The following ZNF385B variants were observed in gnomAD, a reference collection of about 807,000 sequenced individuals.
The protein encoded by ZNF385B is zinc finger protein 533.
In ZNF385B, 23 loss-of-function variants were observed where a neutral mutation model predicts 39.2. That is an observed-to-expected ratio of 0.59 (90% CI 0.42 to 0.83). The LOEUF (loss-of-function observed/expected upper bound fraction) is 0.83, where lower values mean the gene tolerates loss of function less well. ZNF385B is among the 40% of genes least tolerant of loss of function. The pLI is 0.00. For synonymous variants in ZNF385B, 205 were observed against 222.6 expected, an observed-to-expected ratio of 0.92 and a Z score of 0.70; for missense variants, 552 against 598.9, an observed-to-expected ratio of 0.92 and a Z score of 0.82.
At chr2:179,654,645 T>C (rs1023143599) in intron 3 of ZNF385B, among the ~76,000 whole-genome samples, 4 of 152,228 alleles carry the variant, frequency 2.6e-5, no homozygotes, top group Non-Finnish European at 4.4e-5. Flanking sequence ...TTCTAACCTC[T>C]TGGGGATGGC....
intron 3 of ZNF385B, among the ~76,000 whole-genome samples, chr2:179,705,022 T>A (rs1263731283): frequency 6.6e-6 from 1 of 152,172 alleles, no homozygotes; most frequent in Non-Finnish European, 1.5e-5. Flanking sequence ...CCCCTTTTTT[T>A]CCCCTGGCCT....
intron 3 of ZNF385B, among the ~76,000 whole-genome samples, chr2:179,642,419 T>G (rs540075815): frequency 1.2e-3 from 187 of 152,262 alleles, no homozygotes; most frequent in African/African-American, 4.4e-3. Flanking sequence ...AAGCCACTCC[T>G]TCATCCATGT....
chr2:179,766,838 G>A (rs570479427), intron 3 of ZNF385B, among the ~76,000 whole-genome samples: 2 of 151,986 alleles, frequency 1.3e-5, no homozygotes, highest in South Asian at 4.2e-4. Flanking sequence ...CCAAGTGATG[G>A]GCAAAAAAGG....
intron 3 of ZNF385B, among the ~76,000 whole-genome samples, chr2:179,654,584 A>C (rs944735387): frequency 1.3e-5 from 2 of 152,198 alleles, no homozygotes; most frequent in Non-Finnish European, 2.9e-5. Flanking sequence ...GAAGAATACC[A>C]TATTAATTCT....
At chr2:179,445,094 G>T in intron 8 of ZNF385B, 117 bp from the exon 9 acceptor site, 2 of 843,236 alleles carry the variant, frequency 2.4e-6, no homozygotes, top group Non-Finnish European at 2.0e-6. Context: ...CCACGATGGT[G>T]TGGGTAAAAT....
intron 1 of ZNF385B, among the ~76,000 whole-genome samples, chr2:179,813,081 G>A (rs1339256737): frequency 1.3e-5 from 2 of 152,028 alleles, no homozygotes; most frequent in African/African-American, 4.8e-5. Context: ...TTACTCTAAT[G>A]GTTTCTACCT....
chr2:179,634,352 T>C (rs577624770), intron 3 of ZNF385B, among the ~76,000 whole-genome samples: 59 of 151,732 alleles, frequency 3.9e-4, no homozygotes, highest in Admixed American at 7.2e-4. Flanking sequence ...TAAGCAAATT[T>C]ACAAGAAAAA....
intron 3 of ZNF385B, among the ~76,000 whole-genome samples, chr2:179,678,579 T>C (rs1697178503): frequency 6.6e-6 from 1 of 152,250 alleles, no homozygotes; most frequent in African/African-American, 2.4e-5. Flanking sequence ...CCTGGTTTCC[T>C]GATACCTTGG....
chr2:179,491,346 A>C (rs2055205251), intron 5 of ZNF385B, among the ~76,000 whole-genome samples: 1 of 152,200 alleles, frequency 6.6e-6, no homozygotes, highest in Admixed American at 6.5e-5. Flanking sequence ...ATTTAATGAC[A>C]AATGTATATG....
chr2:179,822,138 A>C (rs1326452327), intron 1 of ZNF385B, among the ~76,000 whole-genome samples: 1 of 152,162 alleles, frequency 6.6e-6, no homozygotes, highest in East Asian at 1.9e-4. Context: ...CTAAAATACA[A>C]ATTTTATTAA....
Position 179,443,057 on chromosome 2 carries a change from T to G in ZNF385B, c.*193A>C. The G allele has an allele frequency of 1.5e-6, 1 of 676,402 alleles. No homozygotes were observed. Among genetic ancestry groups the G allele is most frequent in the East Asian group, 2.7e-5 (1 of 36,904 alleles). The allele number at this position is 676,402 out of a possible 1,614,324, so 41.9% of individuals were successfully genotyped here. A position where few individuals can be genotyped will look rare whatever the true frequency, so the allele number is the denominator to read the frequency against. The stretch of plus-strand genomic sequence containing the variant: ...AAAGCCTATGCTGCTGATTCCTCAA[T>G]TATAGGAGCAGTCTCTAAAAGCCCT... On this transcript the variant is annotated 3_prime_UTR_variant, in exon 10 of 10. Transcript: ENST00000410066.
At chr2:179,684,502 G>C (rs1443987476) in intron 3 of ZNF385B, among the ~76,000 whole-genome samples, 2 of 152,156 alleles carry the variant, frequency 1.3e-5, no homozygotes, top group Non-Finnish European at 2.9e-5. Context: ...TAACAAAGAG[G>C]AAGGCATTTC....
intron 6 of ZNF385B, among the ~76,000 whole-genome samples, chr2:179,458,079 G>A (rs1397780194): frequency 6.6e-6 from 1 of 152,188 alleles, no homozygotes; most frequent in African/African-American, 2.4e-5. Flanking sequence ...AAAGGTGAAT[G>A]GATGGTAATA....
At chr2:179,652,540 G>A (rs1207989145) in intron 3 of ZNF385B, among the ~76,000 whole-genome samples, 9 of 151,904 alleles carry the variant, frequency 5.9e-5, no homozygotes, top group Admixed American at 5.9e-4. Context: ...CAGGAAATTG[G>A]GTGTTATGGT....
At chr2:179,639,329 C>G (rs1692061529) in intron 3 of ZNF385B, among the ~76,000 whole-genome samples, 1 of 151,124 alleles carries the variant, frequency 6.6e-6, no homozygotes, top group African/African-American at 2.4e-5. Context: ...GGATGGAGTC[C>G]CAGAGATCTA....
intron 6 of ZNF385B, among the ~76,000 whole-genome samples, chr2:179,470,539 G>T (rs2052637866): frequency 6.6e-6 from 1 of 152,108 alleles, no homozygotes. Context: ...CAGGGAGAAG[G>T]AACCCAGAAA....
At chr2:179,569,953 T>A (rs566039609) in intron 3 of ZNF385B, among the ~76,000 whole-genome samples, 1 of 152,296 alleles carries the variant, frequency 6.6e-6, no homozygotes, top group Admixed American at 6.5e-5. Flanking sequence ...ATGACCCCTA[T>A]GTAATAAATC....
At chr2:179,450,906 A>T (rs1276011155) in intron 6 of ZNF385B, among the ~76,000 whole-genome samples, 1 of 152,094 alleles carries the variant, frequency 6.6e-6, no homozygotes, top group Non-Finnish European at 1.5e-5. Context: ...TACACCATGG[A>T]ATACTATGCA....
Position 179,769,623 on chromosome 2 carries a change from A to C in ZNF385B, c.178T>G (p.Ser60Ala). ...GAATGCACCTGAGCCTGGGCTGCAG[A>C]GTTCAGCTGGATGTTGCACACCTCA... is the stretch of plus-strand genomic sequence containing the variant. ...FCEVCNIQLN[S>A]AAQAQVHSNG... The change falls in exon 3 of 10, where the codon TCT (serine) becomes GCT (alanine). Residue 60 changes from serine to alanine, a missense_variant. Coordinates refer to ENST00000410066, the MANE Select transcript of ZNF385B (RefSeq NM_152520.6). 1.2e-6 allele frequency: 2 copies of C among 1,614,122 alleles called. No homozygotes were observed. Among genetic ancestry groups the C allele is most frequent in the African/African-American group, 1.3e-5 (1 of 74,998 alleles).
Sources: allele counts gnomAD v4.1 joint callset (sites outside exome capture counted in the v4.1 genomes callset), GRCh38; gene constraint gnomAD v4.1.1; transcripts MANE v1.5; gene names NCBI Gene and HGNC (gene_info 2026-07-23, HGNC 2026-07-21).